The following EFCAB11 variants were observed in gnomAD, a reference collection of about 807,000 sequenced individuals.
EFCAB11 encodes the protein EF-hand calcium binding domain 11.
Under a neutral mutation model 23.0 loss-of-function variants are expected in EFCAB11, and 14 were observed. The observed-to-expected ratio is 0.61, with a 90% confidence interval of 0.40 to 0.95. The LOEUF is 0.95. Among genes scored for constraint, EFCAB11 ranks in the 40% least tolerant of loss-of-function variants. The pLI, the probability that EFCAB11 is intolerant of heterozygous loss-of-function variation, is 0.00. For synonymous variants in EFCAB11, 65 were observed against 66.6 expected (o/e 0.98, Z 0.11); for missense variants, 198 against 195.8 (o/e 1.01, Z -0.07).
chr14:89,939,234 T>G (rs1283783457), intron 3 of EFCAB11, among the ~76,000 whole-genome samples: 4 of 152,010 alleles, frequency 2.6e-5, no homozygotes, highest in African/African-American at 9.7e-5. Context: ...CTGGACACAA[T>G]TCATTTATAG....
chr14:89,894,930 C>T (rs1382021086), intron 5 of EFCAB11, among the ~76,000 whole-genome samples: 1 of 152,122 alleles, frequency 6.6e-6, no homozygotes, highest in Admixed American at 6.5e-5. Flanking sequence ...AGAAAAAAAG[C>T]TGTGTGCAAT....
At chr14:89,871,621 C>G (rs1234594514) in intron 5 of EFCAB11, among the ~76,000 whole-genome samples, 1 of 152,176 alleles carries the variant, frequency 6.6e-6, no homozygotes, top group Non-Finnish European at 1.5e-5. Flanking sequence ...GCACCTTTTC[C>G]TCCCAAATCT....
At chr14:89,951,985 T>G (rs1891185367) in intron 2 of EFCAB11, among the ~76,000 whole-genome samples, 1 of 152,152 alleles carries the variant, frequency 6.6e-6, no homozygotes. Flanking sequence ...ATTTATTATA[T>G]AAGTATTTTA....
intron 5 of EFCAB11, among the ~76,000 whole-genome samples, chr14:89,928,622 C>T (rs1168499022): frequency 6.6e-6 from 1 of 150,494 alleles, no homozygotes; most frequent in East Asian, 1.9e-4. Context: ...TAAAATTCAG[C>T]TAGTAAAGTC....
chr14:89,835,713 C>T (rs569041235), intron 5 of EFCAB11, among the ~76,000 whole-genome samples: 19 of 150,732 alleles, frequency 1.3e-4, no homozygotes, highest in Non-Finnish European at 3.0e-5. Flanking sequence ...CTGCAACCTC[C>T]GCCTCCCGGG....
chr14:89,862,900 A>G (rs538077452), intron 5 of EFCAB11, among the ~76,000 whole-genome samples: 1 of 152,258 alleles, frequency 6.6e-6, no homozygotes, highest in Non-Finnish European at 1.5e-5. Context: ...GTTCAAAATC[A>G]TAAGTAAAAT....
At chr14:89,899,545 T>C (rs988148396) in intron 5 of EFCAB11, among the ~76,000 whole-genome samples, 12 of 152,118 alleles carry the variant, frequency 7.9e-5, no homozygotes, top group African/African-American at 2.4e-4. Flanking sequence ...CCACAAAAAG[T>C]GAGGACAGGC....
chr14:89,908,423 C>A (rs553946999), intron 5 of EFCAB11, among the ~76,000 whole-genome samples: 1 of 152,288 alleles, frequency 6.6e-6, no homozygotes, highest in South Asian at 2.1e-4. Context: ...TTTCTGAGTA[C>A]CAATATTACA....
At chr14:89,844,648 C>T (rs1887375126) in intron 5 of EFCAB11, among the ~76,000 whole-genome samples, 1 of 152,218 alleles carries the variant, frequency 6.6e-6, no homozygotes, top group Admixed American at 6.5e-5. Context: ...TTCCCCCAAC[C>T]TTCCTCACTC....
chr14:89,839,694 G>A (rs1210436325), intron 5 of EFCAB11, among the ~76,000 whole-genome samples: 1 of 152,008 alleles, frequency 6.6e-6, no homozygotes, highest in East Asian at 1.9e-4. Flanking sequence ...GCCTATACAA[G>A]AAGCATGGTG....
intron 2 of EFCAB11, 142 bp from the exon 3 acceptor site, chr14:89,950,284 A>G: frequency 1.2e-6 from 1 of 806,414 alleles, no homozygotes. Context: ...ATGATACACA[A>G]TAGCTATAAT....
At chr14:89,810,125 G>A (rs1157784384) in intron 5 of EFCAB11, among the ~76,000 whole-genome samples, 1 of 152,234 alleles carries the variant, frequency 6.6e-6, no homozygotes, top group African/African-American at 2.4e-5. Context: ...GCAGTGGGCA[G>A]AGGCCACCTA....
chr14:89,868,076 A>G (rs1422040352), intron 5 of EFCAB11, among the ~76,000 whole-genome samples: 1 of 152,212 alleles, frequency 6.6e-6, no homozygotes, highest in African/African-American at 2.4e-5. Context: ...CAGCTTCCCA[A>G]TCATTTGGAA....
intron 5 of EFCAB11, among the ~76,000 whole-genome samples, chr14:89,839,558 A>T (rs1433465274): frequency 1.3e-5 from 2 of 152,190 alleles, no homozygotes; most frequent in African/African-American, 2.4e-5. Context: ...AATAAAAACA[A>T]GAGGGAAACA....
At chr14:89,834,137 G>A (rs1886976824) in intron 5 of EFCAB11, among the ~76,000 whole-genome samples, 2 of 151,830 alleles carry the variant, frequency 1.3e-5, no homozygotes, top group Admixed American at 1.3e-4. Context: ...GGCCTATCAC[G>A]AGGTCAGGAG....
chr14:89,876,293 C>T (rs1162258306), intron 5 of EFCAB11, among the ~76,000 whole-genome samples: 3 of 151,892 alleles, frequency 2.0e-5, no homozygotes, highest in African/African-American at 7.3e-5. Flanking sequence ...GAGATGTTTC[C>T]GTTAAACAGA....
Position 89,797,303 on chromosome 14 carries a change from A to C in EFCAB11, c.432T>G (p.Asp144Glu), listed in dbSNP as rs1485756456. The C allele has an allele frequency of 6.2e-7, 1 of 1,613,224 alleles. No homozygotes were observed. Among genetic ancestry groups the C allele is most frequent in the South Asian group, 1.1e-5 (1 of 91,060 alleles). ...EVFREVDRDSDGHVSFRDFEY... is the reference protein window; with the variant it reads ...EVFREVDRDSEGHVSFRDFEY... Reference sequence around the variant, plus strand: ...CAAAGTCTCTAAAGCTGACGTGACCATCTGAATCTCGATCTACTTCCCTGG... The same window carrying C: ...CAAAGTCTCTAAAGCTGACGTGACCCTCTGAATCTCGATCTACTTCCCTGG... Residue 144 changes from aspartate to glutamate, a missense_variant, in exon 6 of 6, where the codon GAT (aspartate) becomes GAG (glutamate). Physicochemically the swap from Asp to Glu is conservative, Grantham distance 45 (BLOSUM62 2). Coordinates refer to ENST00000316738, the MANE Select transcript of EFCAB11 (RefSeq NM_145231.4).
intron 5 of EFCAB11, among the ~76,000 whole-genome samples, chr14:89,838,779 T>C (rs1234379463): frequency 1.3e-5 from 2 of 152,220 alleles, no homozygotes; most frequent in Non-Finnish European, 2.9e-5. Flanking sequence ...ATGTCCACTA[T>C]AATTTCTACT....
intron 3 of EFCAB11, among the ~76,000 whole-genome samples, chr14:89,947,033 TATC>T (rs1891010740): frequency 6.6e-6 from 1 of 152,162 alleles, no homozygotes; most frequent in African/African-American, 2.4e-5. Flanking sequence ...GATAAAACAG[TATC>T]AACATATATT....
Sources: allele counts gnomAD v4.1 joint callset (sites outside exome capture counted in the v4.1 genomes callset), GRCh38; gene constraint gnomAD v4.1.1; transcripts MANE v1.5; gene names NCBI Gene and HGNC (gene_info 2026-07-23, HGNC 2026-07-21).